STRBP: variants seen among roughly 807,000 people sequenced by gnomAD.
STRBP encodes the protein spermatid perinuclear RNA binding protein.
A neutral mutation model predicts 80.1 loss-of-function variants in STRBP; 13 were observed. The observed-to-expected ratio is 0.16, with a 90% CI of 0.11 to 0.26. The LOEUF (loss-of-function observed/expected upper bound fraction) is 0.26. Ranked by LOEUF, STRBP falls within the 10% of genes least tolerant of loss-of-function variation. The pLI is 1.00. For synonymous variants in STRBP, 284 were observed against 291.2 expected (o/e 0.98, Z 0.25); for missense variants, 485 against 815.2 (o/e 0.59, Z 4.93).
intron 1 of STRBP, among the ~76,000 whole-genome samples, chr9:123,252,774 G>C (rs2040943886): frequency 6.6e-6 from 1 of 152,132 alleles, no homozygotes; most frequent in Non-Finnish European, 1.5e-5. Context: ...AGTAGCCAGA[G>C]AGCTGTATTT....
chr9:123,232,056 A>G (rs2040413104), intron 2 of STRBP, among the ~76,000 whole-genome samples: 1 of 152,204 alleles, frequency 6.6e-6, no homozygotes, highest in Admixed American at 6.5e-5. Flanking sequence ...TCACACCTGT[A>G]ATCACAGCAC....
chr9:123,182,217 T>TAAAAAAAAAAAAAAAAAAAAA (rs10546358), intron 3 of STRBP, among the ~76,000 whole-genome samples: 4 of 69,764 alleles, frequency 5.7e-5, no homozygotes, highest in Non-Finnish European at 1.1e-4. Context: ...TCCGTTTCTT[T>TAAAAAAAAAAAAAAAAAAAAA]AAAAAAAAAA....
intron 1 of STRBP, among the ~76,000 whole-genome samples, chr9:123,245,501 T>A (rs2040782581): frequency 6.6e-6 from 1 of 152,230 alleles, no homozygotes; most frequent in Non-Finnish European, 1.5e-5. Context: ...ACCATTCTCC[T>A]GTCTCAGCCT....
chr9:123,186,312 C>G (rs1224635356), intron 2 of STRBP, among the ~76,000 whole-genome samples: 1 of 152,150 alleles, frequency 6.6e-6, no homozygotes, highest in Non-Finnish European at 1.5e-5. Flanking sequence ...CACACCACTG[C>G]CCTCCAGCCT....
intron 2 of STRBP, among the ~76,000 whole-genome samples, chr9:123,208,834 C>G (rs765813218): frequency 1.5e-4 from 23 of 152,172 alleles, no homozygotes; most frequent in Non-Finnish European, 2.5e-4. Flanking sequence ...AACACTCTGA[C>G]AAGAATTCAC....
chr9:123,113,796 C>T lies in STRBP; in HGVS notation c.*84+2133G>A, dbSNP rs1270977018. 3.0e-5 allele frequency: 5 copies of T among 167,252 alleles called. No individual in the cohort carries two copies. The East Asian group carries it at 7.7e-4, about 26-fold the overall frequency. The allele number at this position is 167,252 out of a possible 1,614,324, so 10.4% of individuals were successfully genotyped here. A position where few individuals can be genotyped will look rare whatever the true frequency, so the allele number is the denominator to read the frequency against. Reference sequence around the variant, plus strand: ...GCCAAGTTTGGCAAAATACTCCCTACTTTGCAGGGGTTGGCAAACTACAGC... The same window carrying T: ...GCCAAGTTTGGCAAAATACTCCCTATTTTGCAGGGGTTGGCAAACTACAGC... On this transcript the variant is annotated intron_variant and NMD_transcript_variant, in intron 3 of 3. Coordinates refer to the STRBP transcript ENST00000471564.
chr9:123,119,559 A>G (rs1386993114), downstream of STRBP, among the ~76,000 whole-genome samples: 1 of 151,942 alleles, frequency 6.6e-6, no homozygotes, highest in Non-Finnish European at 1.5e-5. Flanking sequence ...ACCCCTAGAT[A>G]CCAGGAGTCT....
chr9:123,176,796 T>C (rs1396576446), intron 4 of STRBP, among the ~76,000 whole-genome samples: 1 of 152,208 alleles, frequency 6.6e-6, no homozygotes, highest in African/African-American at 2.4e-5. Context: ...ATAGCAGTTA[T>C]TGTAAAGCAA....
chr9:123,204,955 G>GAA (rs746699581), intron 2 of STRBP, among the ~76,000 whole-genome samples: 1 of 132,322 alleles, frequency 7.6e-6, no homozygotes, highest in Admixed American at 7.9e-5. Context: ...AGAAAGAAAG[G>GAA]AAAAAAAAAA....
Position 123,123,338 on chromosome 9 carries a change from G to A in STRBP, c.*2259C>T. On this transcript the variant is annotated 3_prime_UTR_variant, in exon 19 of 19. Transcript: ENST00000348403. ...GTAAGTGGAATTTTCATTACAAAAT[G>A]GAAGGGTGGGAAGGGCAACAGGTGG... 1.0e-6 allele frequency: 1 copy of A among 985,326 alleles called. No homozygotes were observed. The highest frequency in any genetic ancestry group is 1.2e-6 in the Non-Finnish European group (1 of 829,904). The allele number at this position is 985,326 out of a possible 1,614,324, so 61.0% of individuals were successfully genotyped here.
At chr9:123,144,018 C>T (rs952073637) in intron 13 of STRBP, among the ~76,000 whole-genome samples, 4 of 151,816 alleles carry the variant, frequency 2.6e-5, no homozygotes, top group East Asian at 3.9e-4. Flanking sequence ...GCCAACATGG[C>T]GAAACCCCGT....
At chr9:123,246,808 T>C (rs963688014) in intron 1 of STRBP, among the ~76,000 whole-genome samples, 1 of 152,206 alleles carries the variant, frequency 6.6e-6, no homozygotes, top group African/African-American at 2.4e-5. Context: ...CAAAAAAGCT[T>C]TGTAAGCCAA....
intron 1 of STRBP, among the ~76,000 whole-genome samples, chr9:123,267,782 G>A (rs1292446329): frequency 6.8e-6 from 1 of 147,094 alleles, no homozygotes; most frequent in Non-Finnish European, 1.5e-5. Context: ...AGTCCTGCTC[G>A]AGTCCCCAGT....
At chr9:123,139,208 T>A (rs1380828536) in intron 14 of STRBP, among the ~76,000 whole-genome samples, 1 of 152,214 alleles carries the variant, frequency 6.6e-6, no homozygotes, top group African/African-American at 2.4e-5. Context: ...TGGTATATTC[T>A]GAAATATTGG....
intron 4 of STRBP, among the ~76,000 whole-genome samples, chr9:123,175,544 TATAA>T (rs1207087554): frequency 1.2e-4 from 19 of 152,218 alleles, no homozygotes; most frequent in Admixed American, 1.0e-3. Flanking sequence ...TTAAAGGTGG[TATAA>T]ATATAGAAAT....
chr9:123,230,139 C>T (rs571694822), intron 2 of STRBP, among the ~76,000 whole-genome samples: 2 of 152,076 alleles, frequency 1.3e-5, no homozygotes, highest in Admixed American at 6.5e-5. Context: ...ATATAAAGGA[C>T]GATGAAAAAG....
intron 13 of STRBP, among the ~76,000 whole-genome samples, chr9:123,146,454 CATA>C (rs749089347): frequency 2.0e-5 from 3 of 150,438 alleles, no homozygotes; most frequent in African/African-American, 4.9e-5. Context: ...TGAAGATTTT[CATA>C]ATGAGGAAAA....
chr9:123,234,062 G>C (rs1305041733), intron 2 of STRBP, among the ~76,000 whole-genome samples: 2 of 151,938 alleles, frequency 1.3e-5, no homozygotes, highest in Non-Finnish European at 2.9e-5. Flanking sequence ...TTAGCCAGGC[G>C]TGGTGGCGGG....
intron 13 of STRBP, among the ~76,000 whole-genome samples, chr9:123,142,088 G>C (rs2036612758): frequency 6.6e-6 from 1 of 152,160 alleles, no homozygotes; most frequent in African/African-American, 2.4e-5. Context: ...CTTGGTATGT[G>C]ATCAAATTTC....
Sources: allele counts gnomAD v4.1 joint callset (sites outside exome capture counted in the v4.1 genomes callset), GRCh38; gene constraint gnomAD v4.1.1; transcripts MANE v1.5; gene names NCBI Gene and HGNC (gene_info 2026-07-23, HGNC 2026-07-21).